Variants in RABGAP1L observed in about 807,000 individuals in gnomAD.
The protein encoded by RABGAP1L is RAB GTPase activating protein 1 like.
In RABGAP1L, 63 loss-of-function variants were observed where a neutral mutation model predicts 137.7. The observed-to-expected ratio is 0.46, with a 90% CI of 0.37 to 0.56. The LOEUF (loss-of-function observed/expected upper bound fraction) is 0.56. RABGAP1L is among the 20% of genes least tolerant of loss of function. RABGAP1L has a pLI of 0.00. For synonymous variants in RABGAP1L, 431 were observed against 433.7 expected, an observed-to-expected ratio of 0.99 and a Z score of 0.08; for missense variants, 1,095 against 1,244.0, an observed-to-expected ratio of 0.88 and a Z score of 1.80.
intron 18 of RABGAP1L, among the ~76,000 whole-genome samples, chr1:174,785,208 G>T (rs1287699580): frequency 6.6e-6 from 1 of 152,134 alleles, no homozygotes; most frequent in African/African-American, 2.4e-5. Flanking sequence ...GGGATTACAG[G>T]CATGCGCCGC....
At chr1:174,621,292 AG>A (rs1253475887) in intron 13 of RABGAP1L, among the ~76,000 whole-genome samples, 1 of 152,238 alleles carries the variant, frequency 6.6e-6, no homozygotes, top group Middle Eastern at 3.2e-3. Flanking sequence ...GGTAATTTAT[AG>A]ATTCAATGCC....
chr1:174,957,803 G>A, intron 20 of RABGAP1L: 2 of 1,121,524 alleles, frequency 1.8e-6, no homozygotes, highest in South Asian at 1.3e-5. Flanking sequence ...GATTGATTTA[G>A]ATGCTCTCTG....
At chr1:174,545,801 G>A (rs1452592140) in intron 13 of RABGAP1L, 1 of 152,198 alleles carries the variant, frequency 6.6e-6, no homozygotes, top group African/African-American at 2.4e-5. Flanking sequence ...TTGCTTCCAA[G>A]CTTCTGTTGG....
intron 11 of RABGAP1L, among the ~76,000 whole-genome samples, chr1:174,334,401 T>C (rs149486518): frequency 6.6e-6 from 1 of 152,332 alleles, no homozygotes; most frequent in Non-Finnish European, 1.5e-5. Context: ...ATTCATCCTT[T>C]TGAAATGTGT....
Position 174,331,021 on chromosome 1 carries a change from C to T in RABGAP1L, c.1465+25894C>T, listed in dbSNP as rs553967844. Among the ~76,000 whole-genome samples the T allele has an allele frequency of 4.2e-4, 64 of 152,114 alleles. 1 individual carries two copies. The highest frequency in any genetic ancestry group is 2.9e-3 in the Admixed American group (45 of 15,278). ...ACCTATGGAACAAAATAGAGAGTCC[C>T]GAAATAAATTCAGGCATTTACAGCC... On this transcript the variant is annotated intron_variant, in intron 11 of 25. Transcript: ENST00000681986.
intron 13 of RABGAP1L, among the ~76,000 whole-genome samples, chr1:174,596,716 T>G (rs925572904): frequency 6.6e-6 from 1 of 152,182 alleles, no homozygotes; most frequent in African/African-American, 2.4e-5. Context: ...TTTCTTTATC[T>G]TATCTGATTC....
chr1:174,211,806 A>G (rs1282263584), intron 1 of RABGAP1L, among the ~76,000 whole-genome samples: 1 of 152,190 alleles, frequency 6.6e-6, no homozygotes, highest in Non-Finnish European at 1.5e-5. Flanking sequence ...TGTCAATGGA[A>G]ACCAAAAAGG....
intron 4 of RABGAP1L, among the ~76,000 whole-genome samples, chr1:174,241,125 G>A (rs949118556): frequency 6.6e-6 from 1 of 152,104 alleles, no homozygotes; most frequent in Non-Finnish European, 1.5e-5. Flanking sequence ...TTCAAGGCTA[G>A]CCTGGCTAAC....
chr1:174,383,974 A>G (rs1424509717), intron 12 of RABGAP1L, among the ~76,000 whole-genome samples: 3 of 152,166 alleles, frequency 2.0e-5, no homozygotes, highest in Non-Finnish European at 4.4e-5. Flanking sequence ...TAAAACCTGT[A>G]TGTGAATGTT....
chr1:174,303,970 G>A (rs1404885914), intron 10 of RABGAP1L, among the ~76,000 whole-genome samples: 1 of 152,180 alleles, frequency 6.6e-6, no homozygotes, highest in African/African-American at 2.4e-5. Flanking sequence ...AGTGGTGACA[G>A]TGGACTTTCT....
chr1:174,778,681 A>C (rs1618207), intron 18 of RABGAP1L, among the ~76,000 whole-genome samples: 1 of 151,440 alleles, frequency 6.6e-6, no homozygotes, highest in South Asian at 2.1e-4. Flanking sequence ...TGCAATCTCC[A>C]CCTCCTGGGT....
At chr1:174,727,161 A>T (rs1042368324) in intron 17 of RABGAP1L, among the ~76,000 whole-genome samples, 7 of 152,210 alleles carry the variant, frequency 4.6e-5, no homozygotes, top group Admixed American at 1.3e-4. Flanking sequence ...ATTAAATGAG[A>T]TAACACTTGT....
chr1:174,701,200 T>G, intron 16 of RABGAP1L: 2 of 1,281,342 alleles, frequency 1.6e-6, no homozygotes, highest in Non-Finnish European at 1.0e-6. Flanking sequence ...GAAAACCATT[T>G]GCTTGTTTAA....
At chr1:174,646,478 C>G (rs569756605) in intron 14 of RABGAP1L, among the ~76,000 whole-genome samples, 2 of 152,242 alleles carry the variant, frequency 1.3e-5, no homozygotes, top group East Asian at 3.9e-4. Flanking sequence ...ATACTTTCCC[C>G]ATTGCTAGTT....
At chr1:174,938,883 TC>T (rs1377817447) in intron 19 of RABGAP1L, among the ~76,000 whole-genome samples, 1 of 152,052 alleles carries the variant, frequency 6.6e-6, no homozygotes, top group Non-Finnish European at 1.5e-5. Flanking sequence ...TTTTCATGCC[TC>T]CCCACAGTTT....
chr1:174,347,143 A>G (rs1358162421), intron 11 of RABGAP1L, among the ~76,000 whole-genome samples: 2 of 152,168 alleles, frequency 1.3e-5, no homozygotes, highest in South Asian at 2.1e-4. Context: ...CTGATGACCT[A>G]TCCTTGTGAA....
chr1:174,336,378 G>A (rs1558143063), intron 11 of RABGAP1L, among the ~76,000 whole-genome samples: 2 of 152,168 alleles, frequency 1.3e-5, no homozygotes, highest in Non-Finnish European at 2.9e-5. Context: ...TCCTGCCTTG[G>A]CTTTCCAATG....
Position 174,989,923 on chromosome 1 carries a change from G to C in RABGAP1L, c.3078G>C (p.Leu1026=), listed in dbSNP as rs1671946464. 1 of 1,550,258 alleles carries C rather than the reference G, an allele frequency of 6.5e-7. No individual in the cohort carries two copies. ...AAAACTCTTGGTTTAGCAAAACCCT[G>C]AACTCTATCAAAACGGCCACGGGCA... ...AAKNSWFSKT[L]NSIKTATGTQ... The change falls in exon 26 of 26, where the codon CTG becomes CTC. Residue 1026 remains leucine, a synonymous_variant. Transcript: ENST00000681986.
At chr1:174,912,339 C>T (rs1035201332) in intron 19 of RABGAP1L, among the ~76,000 whole-genome samples, 1 of 152,140 alleles carries the variant, frequency 6.6e-6, no homozygotes, top group Admixed American at 6.5e-5. Flanking sequence ...AATGGGGCCT[C>T]ACTTTGTTGC....
Sources: gnomAD v4.1 joint callset for allele counts (sites outside exome capture counted in the v4.1 genomes callset) on GRCh38, gnomAD v4.1.1 for gene constraint, MANE v1.5 for transcripts, NCBI Gene and HGNC (gene_info 2026-07-23, HGNC 2026-07-21) for gene names.